WDR31: variants seen among roughly 807,000 people sequenced by gnomAD.
WDR31 encodes the protein WD repeat-containing protein 31.
Under a neutral mutation model 47.3 loss-of-function variants are expected in WDR31, and 30 were observed. That is an observed-to-expected ratio of 0.63 (90% confidence interval 0.47 to 0.86). The LOEUF (loss-of-function observed/expected upper bound fraction) is 0.86. Among genes scored for constraint, WDR31 ranks in the 40% least tolerant of loss-of-function variants. The pLI is 0.00. For synonymous variants in WDR31, 137 were observed against 159.4 expected (o/e 0.86, Z 1.06); for missense variants, 406 against 442.9 (o/e 0.92, Z 0.75).
rs553412877 is a variant in WDR31 at position 113,334,013 on chromosome 9, C to T, written c.-28-1963G>A. 1.1e-4 allele frequency among the ~76,000 whole-genome samples: 16 copies of T among 151,018 alleles called. No homozygotes were observed. In the South Asian group the frequency reaches 3.1e-3, roughly 30 times the overall value. ...TTCTTTCTTTTTCCTTCTCCTTCTCCTTTCTTTTTTTTTGAGACAGGGTCT... is the reference window on the plus strand; with the variant it reads ...TTCTTTCTTTTTCCTTCTCCTTCTCTTTTCTTTTTTTTTGAGACAGGGTCT... On this transcript the variant is annotated intron_variant, in intron 2 of 10. Coordinates refer to ENST00000374193, the MANE Select transcript of WDR31 (RefSeq NM_001012361.4).
intron 4 of WDR31, 124 bp from the exon 5 acceptor site, chr9:113,329,079 A>C (rs2118829716): frequency 1.1e-6 from 1 of 872,420 alleles, no homozygotes; most frequent in Non-Finnish European, 1.8e-6. Context: ...GAACTTGCTC[A>C]AAGCATTCGG....
intron 7 of WDR31, 90 bp from the exon 8 acceptor site, chr9:113,321,668 C>T: frequency 7.9e-7 from 1 of 1,263,142 alleles, no homozygotes; most frequent in Non-Finnish European, 1.1e-6. Context: ...CATCACTGTG[C>T]CTCTTCTCAA....
Position 113,316,572 on chromosome 9 carries a change from G to T in WDR31, c.*177C>A. 1 of 731,316 alleles carries T rather than the reference G, an allele frequency of 1.4e-6. No individual in the cohort carries two copies. Among genetic ancestry groups the T allele is most frequent in the Non-Finnish European group, 2.1e-6 (1 of 466,676 alleles). 45.3% of individuals were successfully genotyped at this position (731,316 alleles called of 1,614,324 possible). A position where few individuals can be genotyped will look rare whatever the true frequency, so the allele number is the denominator to read the frequency against. On this transcript the variant is annotated 3_prime_UTR_variant, in exon 11 of 11. Transcript: ENST00000374193. ...GTCCATGTTTCTGGACTCTATACCT[G>T]ATTTTGAATCACTGGACTTAAATTA...
chr9:113,334,849 G>A (rs996037024), intron 2 of WDR31, among the ~76,000 whole-genome samples: 3 of 151,464 alleles, frequency 2.0e-5, no homozygotes, highest in Admixed American at 6.6e-5. Context: ...ATGAGCCACC[G>A]CACCTGGCCT....
chr9:113,333,204 A>G (rs1028767267), intron 2 of WDR31, among the ~76,000 whole-genome samples: 1 of 152,072 alleles, frequency 6.6e-6, no homozygotes, highest in African/African-American at 2.4e-5. Context: ...GTCTCTATAT[A>G]CTAAATGTCA....
intron 3 of WDR31, 58 bp downstream of exon 3, chr9:113,331,849 G>C: frequency 1.3e-6 from 2 of 1,526,378 alleles, no homozygotes; most frequent in Non-Finnish European, 1.8e-6. Context: ...TCTTTCTTCA[G>C]TGGAGAGTTT....
chr9:113,320,483 C>T lies in WDR31; in HGVS notation c.654G>A (p.Arg218=), dbSNP rs774204704. Residue 218 remains arginine, a synonymous_variant, in exon 9 of 11, where the codon CGG becomes CGA. Transcript: ENST00000374193. Reference sequence around the variant, plus strand: ...GAAACATATGAGCTACCTGCAGCCCCCGACTGTCCCATAATCTGAAAGAGA... The same window carrying T: ...GAAACATATGAGCTACCTGCAGCCCTCGACTGTCCCATAATCTGAAAGAGA... ...EDKTLRLWDS[R]GLQVAHMFPA... is the part of the protein sequence containing the mutation. The T allele has an allele frequency of 3.4e-5, 55 of 1,613,874 alleles. No individual in the cohort carries two copies. Among genetic ancestry groups the T allele is most frequent in the South Asian group, 3.3e-5 (3 of 91,034 alleles).
At chr9:113,321,398 A>G (rs1378583759) in intron 8 of WDR31, 113 bp downstream of exon 8, 6 of 1,040,930 alleles carry the variant, frequency 5.8e-6, no homozygotes, top group Non-Finnish European at 7.2e-6. Context: ...GAGGAACAGA[A>G]GGCTCTGGGA....
At position 113,315,298 on chromosome 9, in the gene WDR31, G is replaced by A. The variant is rs905416879; in HGVS notation, c.*1451C>T. 17 of 152,156 alleles carry A rather than the reference G, an allele frequency of 1.1e-4. No individual in the cohort carries two copies. The highest frequency in any genetic ancestry group is 1.1e-3 in the Admixed American group (17 of 15,268). The allele number at this position is 152,156 out of a possible 1,614,324, so 9.4% of individuals were successfully genotyped here. On this transcript the variant is annotated 3_prime_UTR_variant, in exon 11 of 11. Transcript: ENST00000374193. The stretch of plus-strand genomic sequence containing the variant: ...TGATTGAGCCCTGGTGATTGAGGCT[G>A]CAGTTAGCCATGATCACACCAAGAG...
chr9:113,339,617 T>TC (rs1238539249), intron 1 of WDR31, among the ~76,000 whole-genome samples: 1 of 152,222 alleles, frequency 6.6e-6, no homozygotes, highest in Non-Finnish European at 1.5e-5. Context: ...AGGCCACCAC[T>TC]CTCACGGTTG....
At chr9:113,330,492 G>C (rs975709772) in intron 4 of WDR31, among the ~76,000 whole-genome samples, 25 of 152,226 alleles carry the variant, frequency 1.6e-4, no homozygotes, top group African/African-American at 5.8e-4. Context: ...ATATGAAGGA[G>C]AGAAATGTGA....
Position 113,332,013 on chromosome 9 carries a change from G to GT in WDR31, c.9dup (p.Leu4ThrfsTer16), listed in dbSNP as rs1239330677. The GT allele has an allele frequency of 6.2e-7, 1 of 1,613,910 alleles. No individual in the cohort carries two copies. ...GGAGCTTGTTTCAGTTGGCACCTGA[G>GT]TAGCAGCATCCCTTGTGGCTGCTGG... is the stretch of plus-strand genomic sequence containing the variant. On this transcript the variant is annotated frameshift_variant, in exon 3 of 11. Transcript: ENST00000374193. LOFTEE classifies it high-confidence loss of function.
intron 7 of WDR31, 33 bp downstream of exon 7, chr9:113,322,778 C>T: frequency 6.2e-7 from 1 of 1,605,728 alleles, no homozygotes; most frequent in African/African-American, 1.3e-5. Flanking sequence ...CTCCTTTCTG[C>T]TGCCCTGTTC....
intron 5 of WDR31, among the ~76,000 whole-genome samples, chr9:113,325,718 A>G (rs1329898549): frequency 6.6e-6 from 1 of 151,728 alleles, no homozygotes; most frequent in Non-Finnish European, 1.5e-5. Flanking sequence ...TATTATTAAT[A>G]TTTTGTATTT....
chr9:113,318,629 G>T lies in WDR31; in HGVS notation c.789C>A (p.Asp263Glu), dbSNP rs1446011608. ...GGEGCEATLW[D>E]LRQTRNRICE... ...ATATTCTGTTTCGAGTCTGTCTTAGGTCCCACAACTGCAAAGTAATGACAT... is the reference window on the plus strand; with the variant it reads ...ATATTCTGTTTCGAGTCTGTCTTAGTTCCCACAACTGCAAAGTAATGACAT... Residue 263 changes from aspartate (D) to glutamate (E), a missense_variant, in exon 10 of 11, where the codon GAC (aspartate) becomes GAA (glutamate). Physicochemically the swap from Asp to Glu is conservative, Grantham distance 45. Coordinates refer to ENST00000374193, the MANE Select transcript of WDR31 (RefSeq NM_001012361.4). 2.5e-6 allele frequency: 4 copies of T among 1,613,856 alleles called. No individual in the cohort carries two copies. The East Asian group carries it at 6.7e-5, about 27-fold the overall frequency.
rs527745765 is a variant in WDR31 at position 113,337,756 on chromosome 9, G to A, written c.-181-1316C>T. ...GCTGGGATTACAGGCATGAGCCACCGTGCCCAGCCACATCGGAGCATTTTG... is the reference window on the plus strand; with the variant it reads ...GCTGGGATTACAGGCATGAGCCACCATGCCCAGCCACATCGGAGCATTTTG... On this transcript the variant is annotated intron_variant, in intron 1 of 10. Transcript: ENST00000374193. Among the ~76,000 whole-genome samples, 6 of 152,188 alleles carry A rather than the reference G, an allele frequency of 3.9e-5. No individual in the cohort carries two copies. The East Asian group carries it at 5.8e-4, about 15-fold the overall frequency.
chr9:113,336,720 C>G (rs1231397190), intron 1 of WDR31, among the ~76,000 whole-genome samples: 1 of 152,140 alleles, frequency 6.6e-6, no homozygotes, highest in Non-Finnish European at 1.5e-5. Context: ...GAGTTTACTG[C>G]TTTTGTGAAA....
Position 113,331,126 on chromosome 9 carries a change from G to A in WDR31, c.117-10C>T. The A allele has an allele frequency of 8.1e-7, 1 of 1,240,552 alleles. No individual in the cohort carries two copies. Among genetic ancestry groups the A allele is most frequent in the Admixed American group, 2.2e-5 (1 of 46,128 alleles). The allele number at this position is 1,240,552 out of a possible 1,614,324, so 76.8% of individuals were successfully genotyped here. On this transcript the variant is annotated splice_polypyrimidine_tract_variant and intron_variant, in intron 3 of 10. Transcript: ENST00000374193. ...AATTTCATCAGGCCTGCTAAAAAGA[G>A]TATAGAAAATGAGAGACCCAATGGC...
chr9:113,319,316 T>C (rs1441393435), intron 9 of WDR31, among the ~76,000 whole-genome samples: 1 of 152,150 alleles, frequency 6.6e-6, no homozygotes, highest in South Asian at 2.1e-4. Flanking sequence ...GGAATAGCTG[T>C]AGGAGCTGGA....
Sources: gnomAD v4.1 joint callset for allele counts (sites outside exome capture counted in the v4.1 genomes callset) on GRCh38, gnomAD v4.1.1 for gene constraint, MANE v1.5 for transcripts, NCBI Gene and HGNC (gene_info 2026-07-23, HGNC 2026-07-21) for gene names.